The following METTL24 variants were observed in gnomAD, a reference collection of about 807,000 sequenced individuals.
METTL24 encodes methyltransferase like 24.
METTL24 carries 29 observed loss-of-function variants against 32.7 expected under a neutral mutation model. That is an observed-to-expected ratio of 0.89 (90% CI 0.66 to 1.21). The LOEUF (loss-of-function observed/expected upper bound fraction) is 1.21. Among genes scored for constraint, METTL24 ranks in the 50% most tolerant of loss-of-function variants. The probability of loss-of-function intolerance (pLI) is 0.00; values close to 1 mark genes in which losing one functional copy is unlikely to be tolerated. For missense variants in METTL24, 439 were observed against 468.1 expected (o/e 0.94, Z 0.57); for synonymous variants, 163 against 179.5 (o/e 0.91, Z 0.73).
At chr6:110,351,191 A>T (rs77406626) in intron 1 of METTL24, among the ~76,000 whole-genome samples, 6,564 of 152,230 alleles carry the variant, frequency 0.043, 482 homozygotes, top group African/African-American at 0.15. Context: ...ACAGGGTAAG[A>T]CCCTGTCTCT....
intron 4 of METTL24, chr6:110,253,882 C>T: frequency 7.0e-7 from 1 of 1,437,916 alleles, no homozygotes; most frequent in Non-Finnish European, 9.2e-7. Context: ...TTCTCTCAAA[C>T]AGAGTCCCTC....
intron 4 of METTL24, among the ~76,000 whole-genome samples, chr6:110,265,198 A>C (rs142858595): frequency 8.0e-6 from 1 of 124,282 alleles, no homozygotes; most frequent in African/African-American, 3.0e-5. Context: ...AGAAAGAAAG[A>C]AAGTTAATAT....
intron 1 of METTL24, among the ~76,000 whole-genome samples, chr6:110,327,495 G>C (rs1283656986): frequency 6.6e-6 from 1 of 152,170 alleles, no homozygotes; most frequent in African/African-American, 2.4e-5. Context: ...GTCTCAGATG[G>C]GGATATAATA....
intron 4 of METTL24, among the ~76,000 whole-genome samples, chr6:110,291,509 T>C (rs929294709): frequency 6.6e-6 from 1 of 152,158 alleles, no homozygotes; most frequent in Non-Finnish European, 1.5e-5. Context: ...ATTATATACG[T>C]GTTTCTCTTT....
At chr6:110,263,122 C>A (rs1445473067) in intron 4 of METTL24, among the ~76,000 whole-genome samples, 3 of 151,998 alleles carry the variant, frequency 2.0e-5, no homozygotes, top group South Asian at 2.1e-4. Context: ...CTGGCCAGGG[C>A]AATCAGGCAG....
chr6:110,286,706 C>T (rs1329873220), intron 4 of METTL24, among the ~76,000 whole-genome samples: 1 of 152,188 alleles, frequency 6.6e-6, no homozygotes, highest in South Asian at 2.1e-4. Flanking sequence ...CGAATTGATC[C>T]TGGGTGTGTC....
In METTL24 at chr6:110,244,980, A is replaced by G. The variant is rs532518629; in HGVS notation, c.*966T>C. Among the ~76,000 whole-genome samples, 1 of 151,910 alleles carries G rather than the reference A, an allele frequency of 6.6e-6. No individual in the cohort carries two copies. Among genetic ancestry groups the G allele is most frequent in the South Asian group, 2.1e-4 (1 of 4,804 alleles). The stretch of plus-strand genomic sequence containing the variant: ...GTAGGAAAATCTATCTTATCTATCT[A>G]TCTATCTATCTATCTATCTATCATC... On this transcript the variant is annotated 3_prime_UTR_variant, in exon 5 of 5. Transcript: ENST00000338882.
intron 3 of METTL24, among the ~76,000 whole-genome samples, chr6:110,302,523 G>GTGTATATATACACATATACACACACATA (rs1771541560): frequency 1.0e-5 from 1 of 95,496 alleles, no homozygotes; most frequent in Admixed American, 9.7e-5. Context: ...ACACACATAT[G>GTGTATATATACACATATACACACACATA]TGTATATATA....
At chr6:110,332,831 C>T (rs1772131694) in intron 1 of METTL24, among the ~76,000 whole-genome samples, 1 of 151,696 alleles carries the variant, frequency 6.6e-6, no homozygotes, top group Non-Finnish European at 1.5e-5. Flanking sequence ...ATCGCTTGAG[C>T]CCAGGAATTC....
At chr6:110,275,844 G>T (rs1219998685) in intron 4 of METTL24, among the ~76,000 whole-genome samples, 1 of 152,144 alleles carries the variant, frequency 6.6e-6, no homozygotes, top group Admixed American at 6.6e-5. Context: ...ACAATGTATG[G>T]TTCACCTGCA....
intron 1 of METTL24, 29 bp downstream of exon 1, chr6:110,357,926 G>T: frequency 1.7e-6 from 2 of 1,197,066 alleles, no homozygotes; most frequent in South Asian, 3.8e-5. Flanking sequence ...TCTGGTCCCA[G>T]GCCCAAGACC....
At chr6:110,344,296 A>C (rs1246764964) in intron 1 of METTL24, among the ~76,000 whole-genome samples, 1 of 152,072 alleles carries the variant, frequency 6.6e-6, no homozygotes, top group Non-Finnish European at 1.5e-5. Context: ...AGATGAAAAA[A>C]ACTCTAGCAC....
At chr6:110,272,135 G>A (rs971734470) in intron 4 of METTL24, among the ~76,000 whole-genome samples, 11 of 151,850 alleles carry the variant, frequency 7.2e-5, no homozygotes, top group African/African-American at 9.7e-5. Flanking sequence ...CCATTCCCCC[G>A]TCCACAAGTC....
intron 4 of METTL24, among the ~76,000 whole-genome samples, chr6:110,258,638 T>C (rs1778429388): frequency 6.6e-6 from 1 of 152,030 alleles, no homozygotes. Context: ...TATGGAAGAT[T>C]AGAGCCAGTA....
At chr6:110,274,802 CTTTTT>C (rs1196371607) in intron 4 of METTL24, among the ~76,000 whole-genome samples, 1 of 90,128 alleles carries the variant, frequency 1.1e-5, no homozygotes. Flanking sequence ...TTCGTTCTTT[CTTTTT>C]TTTTTTTTTT....
intron 3 of METTL24, among the ~76,000 whole-genome samples, chr6:110,313,250 G>C (rs534548999): frequency 6.6e-6 from 1 of 152,326 alleles, no homozygotes; most frequent in East Asian, 1.9e-4. Context: ...CCAACACATA[G>C]ACATGATCAA....
intron 3 of METTL24, among the ~76,000 whole-genome samples, chr6:110,310,568 A>G (rs1246177977): frequency 6.6e-6 from 1 of 152,086 alleles, no homozygotes; most frequent in African/African-American, 2.4e-5. Context: ...CCCTTTCTCC[A>G]TAATATGTAT....
intron 4 of METTL24, among the ~76,000 whole-genome samples, chr6:110,261,196 C>T (rs947597829): frequency 2.0e-5 from 3 of 152,148 alleles, no homozygotes; most frequent in African/African-American, 7.2e-5. Context: ...AGTCAAGACC[C>T]ATCAGTGTGC....
intron 4 of METTL24, among the ~76,000 whole-genome samples, chr6:110,295,968 C>CA (rs1199405785): frequency 1.4e-4 from 21 of 151,784 alleles, no homozygotes; most frequent in Non-Finnish European, 2.2e-4. Context: ...ACCTACTTCT[C>CA]AAAAAAAACC....
Sources: allele counts gnomAD v4.1 joint callset (sites outside exome capture counted in the v4.1 genomes callset), GRCh38; gene constraint gnomAD v4.1.1; transcripts MANE v1.5; gene names NCBI Gene and HGNC (gene_info 2026-07-23, HGNC 2026-07-21).